The following SEC61A2 variants were observed in gnomAD, a reference collection of about 807,000 sequenced individuals.
SEC61A2 encodes the protein protein transport protein Sec61 subunit alpha isoform 2.
In SEC61A2, 28 loss-of-function variants were observed where a neutral mutation model predicts 59.9. The observed-to-expected ratio is 0.47, with a 90% CI of 0.35 to 0.64. The LOEUF is 0.64. SEC61A2 is among the 30% of genes least tolerant of loss of function. The probability of loss-of-function intolerance (pLI) is 0.01; values close to 1 mark genes in which losing one functional copy is unlikely to be tolerated. For missense variants in SEC61A2, 340 were observed against 585.9 expected (o/e 0.58, Z 4.33); for synonymous variants, 202 against 214.4 (o/e 0.94, Z 0.50).
chr10:12,134,526 T>C (rs1833840108), intron 2 of SEC61A2, among the ~76,000 whole-genome samples: 1 of 152,206 alleles, frequency 6.6e-6, no homozygotes, highest in African/African-American at 2.4e-5. Flanking sequence ...ACAATGCAGA[T>C]GAGAACTGCC....
At position 12,158,144 on chromosome 10, in the gene SEC61A2, A is replaced by G. The variant is rs1431828650; in HGVS notation, c.975+39A>G. The G allele has an allele frequency of 2.0e-6, 3 of 1,475,966 alleles. No individual in the cohort carries two copies. Among genetic ancestry groups the G allele is most frequent in the Admixed American group, 3.7e-5 (2 of 54,306 alleles). The allele number at this position is 1,475,966 out of a possible 1,614,324, so 91.4% of individuals were successfully genotyped here. Reference sequence around the variant, plus strand: ...TTATTTACATTATTTATAGTTTATTATAATTTGCATTTCATGGTTGTATTT... The same window carrying G: ...TTATTTACATTATTTATAGTTTATTGTAATTTGCATTTCATGGTTGTATTT... On this transcript the variant is annotated intron_variant, in intron 9 of 11. Coordinates refer to ENST00000298428, the MANE Select transcript of SEC61A2 (RefSeq NM_018144.4). The surrounding 1 kb of genome is among the most constrained non-coding windows in gnomAD (Gnocchi z 5.7).
At chr10:12,136,698 C>T (rs548154605) in intron 3 of SEC61A2, among the ~76,000 whole-genome samples, 2 of 152,012 alleles carry the variant, frequency 1.3e-5, no homozygotes, top group South Asian at 2.1e-4. Context: ...GGTATGATCT[C>T]GACTCACTGC....
At position 12,154,356 on chromosome 10, in the gene SEC61A2, G is replaced by C. The variant is rs151096388; in HGVS notation, c.463-1422G>C. Among the ~76,000 whole-genome samples the C allele has an allele frequency of 1.4e-4, 22 of 152,284 alleles. No individual in the cohort carries two copies. The East Asian group carries it at 4.2e-3, about 29-fold the overall frequency. On this transcript the variant is annotated intron_variant, in intron 6 of 11. Transcript: ENST00000298428. The surrounding 1 kb of genome is among the most constrained non-coding windows in gnomAD (Gnocchi z 5.2). Reference sequence around the variant, plus strand: ...CGATGGTCACTGTTCTGAACAGGGGGTGTGGAGAATTAGAGTTGTTTCAGA... The same window carrying C: ...CGATGGTCACTGTTCTGAACAGGGGCTGTGGAGAATTAGAGTTGTTTCAGA...
rs949553028 is a variant in SEC61A2, at chr10:12,143,114, T to C, written c.142-3T>C. The C allele has an allele frequency of 7.5e-6, 12 of 1,604,196 alleles. No homozygotes were observed. Among genetic ancestry groups the C allele is most frequent in the Non-Finnish European group, 1.0e-5 (12 of 1,171,126 alleles). On this transcript the variant is annotated splice_region_variant and splice_polypyrimidine_tract_variant and intron_variant, in intron 3 of 11. Coordinates refer to ENST00000298428, the MANE Select transcript of SEC61A2 (RefSeq NM_018144.4). This position sits in a 1 kb window ranked among gnomAD's most constrained non-coding sequence, Gnocchi z 4.8. The stretch of plus-strand genomic sequence containing the variant: ...TCATAAACTATTTTGTGTACTATTT[T>C]AGATCCCACTGTTTGGAATCATGTC...
chr10:12,155,473 G>C lies in SEC61A2; in HGVS notation c.463-305G>C, dbSNP rs1834375446. On this transcript the variant is annotated intron_variant, in intron 6 of 11. Transcript: ENST00000298428. The surrounding 1 kb of genome is among the most constrained non-coding windows in gnomAD (Gnocchi z 4.3). ...AATACTGTGATCATTTTTTGTTTCAGTGTGCTTTTCAAACAGGCTTTATTT... is the reference window on the plus strand; with the variant it reads ...AATACTGTGATCATTTTTTGTTTCACTGTGCTTTTCAAACAGGCTTTATTT... 15 of 902,480 alleles carry C rather than the reference G, an allele frequency of 1.7e-5. No homozygotes were observed. In the South Asian group the frequency reaches 2.9e-4, roughly 17 times the overall value. The allele number at this position is 902,480 out of a possible 1,614,324, so 55.9% of individuals were successfully genotyped here. A position where few individuals can be genotyped will look rare whatever the true frequency, so the allele number is the denominator to read the frequency against.
At chr10:12,130,196 A>G (rs2131638661) in intron 1 of SEC61A2, among the ~76,000 whole-genome samples, 1 of 152,272 alleles carries the variant, frequency 6.6e-6, no homozygotes, top group Middle Eastern at 3.4e-3. Context: ...AACTCGTTTA[A>G]TTTTAAAAAA....
At chr10:12,169,331 A>G (rs1212866757), downstream of SEC61A2, 2 of 1,548,982 alleles carry the variant, frequency 1.3e-6, no homozygotes, top group Non-Finnish European at 1.7e-6. This position sits in a 1 kb window ranked among gnomAD's most constrained non-coding sequence, Gnocchi z 4.8. Context: ...CTACTAAAAG[A>G]TAACCCCGCA....
In SEC61A2 at chr10:12,162,147, GAACGTGGTAGATGTAAGCAGTGA is replaced by G. The variant is rs1395138310; in HGVS notation, c.1168-63_1168-41del. 3 of 1,259,692 alleles carry G rather than the reference GAACGTGGTAGATGTAAGCAGTGA, an allele frequency of 2.4e-6. No homozygotes were observed. Among genetic ancestry groups the G allele is most frequent in the Non-Finnish European group, 3.5e-6 (3 of 860,770 alleles). 78.0% of individuals were successfully genotyped at this position (1,259,692 alleles called of 1,614,324 possible). A position where few individuals can be genotyped will look rare whatever the true frequency, so the allele number is the denominator to read the frequency against. ...TAGTGTGTGGCGAGCACTTCGCATA[GAACGTGGTAGATGTAAGCAGTGA>G]AATGTTCCAGTTGGATTTTGAAAGT... is the stretch of plus-strand genomic sequence containing the variant. On this transcript the variant is annotated intron_variant, in intron 10 of 11. Coordinates refer to ENST00000298428, the MANE Select transcript of SEC61A2 (RefSeq NM_018144.4). This position sits in a 1 kb window ranked among gnomAD's most constrained non-coding sequence, Gnocchi z 6.1.
rs1834083416 is a variant in SEC61A2 at position 12,143,986 on chromosome 10, A to C, written c.220+791A>C. 6.6e-6 allele frequency among the ~76,000 whole-genome samples: 1 copy of C among 152,082 alleles called. No individual in the cohort carries two copies. Among genetic ancestry groups the C allele is most frequent in the African/African-American group, 2.4e-5 (1 of 41,404 alleles). ...AGCTGGGACTACTGGTGCGTGCCAC[A>C]ATGCCTGGCTAATTTTTGTAGTTTT... On this transcript the variant is annotated intron_variant, in intron 4 of 11. Transcript: ENST00000298428. This position sits in a 1 kb window ranked among gnomAD's most constrained non-coding sequence, Gnocchi z 4.8.
rs1834541102 is a variant in SEC61A2, at chr10:12,162,026, G to C, written c.1168-187G>C. Reference sequence around the variant, plus strand: ...GTTGAGAAGCACCGGTTTCATATGGGTAACATGGAGCGGAGGAGCACTGAA... The same window carrying C: ...GTTGAGAAGCACCGGTTTCATATGGCTAACATGGAGCGGAGGAGCACTGAA... On this transcript the variant is annotated intron_variant, in intron 10 of 11. Coordinates refer to ENST00000298428, the MANE Select transcript of SEC61A2 (RefSeq NM_018144.4). This position sits in a 1 kb window ranked among gnomAD's most constrained non-coding sequence, Gnocchi z 6.1. 6.6e-6 allele frequency among the ~76,000 whole-genome samples: 1 copy of C among 152,130 alleles called. No homozygotes were observed. Among genetic ancestry groups the C allele is most frequent in the African/African-American group, 2.4e-5 (1 of 41,414 alleles).
At position 12,129,776 on chromosome 10, in the gene SEC61A2, C is replaced by G; in HGVS notation, c.-12C>G. On this transcript the variant is annotated 5_prime_UTR_variant, in exon 1 of 12. Coordinates refer to ENST00000298428, the MANE Select transcript of SEC61A2 (RefSeq NM_018144.4). The surrounding 1 kb of genome is among the most constrained non-coding windows in gnomAD (Gnocchi z 5.6). ...GGCCGCGGTTTCCCCCTGGGCCTCC[C>G]CAGCAGCAGCCATGGGCAGTGAGTA... The G allele has an allele frequency of 6.7e-7, 1 of 1,485,016 alleles. No individual in the cohort carries two copies. Among genetic ancestry groups the G allele is most frequent in the East Asian group, 2.9e-5 (1 of 34,592 alleles). The allele number at this position is 1,485,016 out of a possible 1,614,324, so 92.0% of individuals were successfully genotyped here.
intron 1 of SEC61A2, among the ~76,000 whole-genome samples, chr10:12,131,273 T>C (rs1833731217): frequency 6.6e-6 from 1 of 152,190 alleles, no homozygotes. Context: ...ACGTAATCAC[T>C]CACGTCAGCT....
Position 12,153,235 on chromosome 10 carries a change from CT to C in SEC61A2, c.463-2540del, listed in dbSNP as rs1834321291. ...AGGGCTTAGGGTTTCTCTTCGTATGCTTTAGGCATTGTTGAGGTTATGGACA... is the reference window on the plus strand; with the variant it reads ...AGGGCTTAGGGTTTCTCTTCGTATGCTTAGGCATTGTTGAGGTTATGGACA... On this transcript the variant is annotated intron_variant, in intron 6 of 11. Coordinates refer to ENST00000298428, the MANE Select transcript of SEC61A2 (RefSeq NM_018144.4). This position sits in a 1 kb window ranked among gnomAD's most constrained non-coding sequence, Gnocchi z 5.2. Among the ~76,000 whole-genome samples the C allele has an allele frequency of 6.6e-6, 1 of 152,114 alleles. No homozygotes were observed. The highest frequency in any genetic ancestry group is 2.4e-5 in the African/African-American group (1 of 41,418).
At chr10:12,169,353 A>G (rs752147895), downstream of SEC61A2, 4 of 1,487,032 alleles carry the variant, frequency 2.7e-6, no homozygotes, top group Admixed American at 2.0e-5. This position sits in a 1 kb window ranked among gnomAD's most constrained non-coding sequence, Gnocchi z 4.8. Context: ...GGCATTTCAC[A>G]CTTGCCTACG....
chr10:12,134,232 C>A (rs951803605), intron 2 of SEC61A2, among the ~76,000 whole-genome samples: 3 of 152,360 alleles, frequency 2.0e-5, no homozygotes, highest in South Asian at 4.1e-4. Flanking sequence ...TGGTCTCGAT[C>A]TCCTGACCTT....
intron 1 of SEC61A2, among the ~76,000 whole-genome samples, chr10:12,132,268 T>G (rs1833768581): frequency 1.3e-5 from 2 of 150,642 alleles, no homozygotes; most frequent in Non-Finnish European, 3.0e-5. Flanking sequence ...GGCACTGCAC[T>G]CCAGCCTGGA....
Position 12,149,947 on chromosome 10 carries a change from C to G in SEC61A2, c.448C>G (p.Leu150Val). The G allele has an allele frequency of 1.9e-6, 3 of 1,607,752 alleles. No individual in the cohort carries two copies. The highest frequency in any genetic ancestry group is 2.6e-6 in the Non-Finnish European group (3 of 1,174,280). Reference sequence around the variant, plus strand: ...AGAAATGGGTGCCGGAATCTGTCTCCTGATCATCATTCAGGTAAGAAATCC... The same window carrying G: ...AGAAATGGGTGCCGGAATCTGTCTCGTGATCATCATTCAGGTAAGAAATCC... ...PAEMGAGICLLIIIQLFVAGL... is the reference protein window; with the variant it reads ...PAEMGAGICLVIIIQLFVAGL... The change falls in exon 6 of 12, where the codon CTG becomes GTG. Residue 150 changes from leucine to valine, a missense_variant. By Grantham distance (32) the Leu-to-Val change is conservative. Coordinates refer to ENST00000298428, the MANE Select transcript of SEC61A2 (RefSeq NM_018144.4). The surrounding 1 kb of genome is among the most constrained non-coding windows in gnomAD (Gnocchi z 5.2).
chr10:12,157,119 T>A, intron 8 of SEC61A2, 52 bp downstream of exon 8: 1 of 1,546,046 alleles, frequency 6.5e-7, no homozygotes, highest in South Asian at 1.1e-5. Flanking sequence ...TTTATTTTGC[T>A]CTTAAAGAGA....
intron 4 of SEC61A2, among the ~76,000 whole-genome samples, chr10:12,144,916 C>T (rs1004252070): frequency 4.0e-5 from 6 of 151,770 alleles, no homozygotes; most frequent in Admixed American, 6.6e-5. Flanking sequence ...CAGGTGTGGT[C>T]GTGTGTACTG....
Sources: allele counts gnomAD v4.1 joint callset (sites outside exome capture counted in the v4.1 genomes callset), GRCh38; gene constraint gnomAD v4.1.1; non-coding constraint Gnocchi (gnomAD v3.1); transcripts MANE v1.5; gene names NCBI Gene and HGNC (gene_info 2026-07-23, HGNC 2026-07-21).